ACAA2: variants seen among roughly 807,000 people sequenced by gnomAD.
ACAA2 encodes the protein acetyl-CoA acyltransferase 2.
Under a neutral mutation model 44.8 loss-of-function variants are expected in ACAA2, and 35 were observed. That is an observed-to-expected ratio of 0.78 (90% CI 0.60 to 1.04). ACAA2 has a LOEUF of 1.04. Ranked by LOEUF, ACAA2 falls within the 50% of genes least tolerant of loss-of-function variation. ACAA2 has a pLI of 0.00. For missense variants in ACAA2, 468 were observed against 482.6 expected (o/e 0.97, Z 0.28); for synonymous variants, 142 against 166.5 (o/e 0.85, Z 1.13).
At chr18:49,797,421 A>C (rs770753652) in intron 3 of ACAA2, 45 bp downstream of exon 3, 2 of 1,556,686 alleles carry the variant, frequency 1.3e-6, no homozygotes, top group East Asian at 2.3e-5. Context: ...TCTTCTAGTA[A>C]CTATTAACAT....
chr18:49,809,253 C>T (rs1486622591), intron 1 of ACAA2, among the ~76,000 whole-genome samples: 1 of 152,198 alleles, frequency 6.6e-6, no homozygotes, highest in African/African-American at 2.4e-5. Flanking sequence ...ATTGCTCAAA[C>T]ACACGTTTTA....
rs190708269 is a variant in ACAA2 at position 49,782,178 on chromosome 18, T to C, written c.*1669A>G. ...AAAAAACAAAATGTTCTGCAAAACATTGTTTTATTATGAGAAATTATACAG... is the reference window on the plus strand; with the variant it reads ...AAAAAACAAAATGTTCTGCAAAACACTGTTTTATTATGAGAAATTATACAG... On this transcript the variant is annotated 3_prime_UTR_variant, in exon 10 of 10. Coordinates refer to ENST00000285093, the MANE Select transcript of ACAA2 (RefSeq NM_006111.3). 2 of 152,152 alleles carry C rather than the reference T, an allele frequency of 1.3e-5. No homozygotes were observed. Among genetic ancestry groups the C allele is most frequent in the Admixed American group, 1.3e-4 (2 of 15,294 alleles). The allele number at this position is 152,152 out of a possible 1,614,324, so 9.4% of individuals were successfully genotyped here. A position where few individuals can be genotyped will look rare whatever the true frequency, so the allele number is the denominator to read the frequency against.
chr18:49,801,999 A>G (rs937481839), intron 2 of ACAA2, among the ~76,000 whole-genome samples: 1 of 152,096 alleles, frequency 6.6e-6, no homozygotes, highest in African/African-American at 2.4e-5. Context: ...AGGGTAAGGA[A>G]GCATCTTATT....
chr18:49,794,132 G>T, intron 5 of ACAA2, 148 bp downstream of exon 5: 1 of 667,962 alleles, frequency 1.5e-6, no homozygotes. Flanking sequence ...TAAAATATCT[G>T]ATCATCTAAA....
Position 49,798,964 on chromosome 18 carries a change from C to T in ACAA2, c.184-1370G>A, listed in dbSNP as rs1200693285. On this transcript the variant is annotated intron_variant, in intron 2 of 9. Transcript: ENST00000285093. ...AGAGAACAGAATATGCTTCGAATAA[C>T]ATTTGACAAATACCACAAAGCTGCT... 2.0e-5 allele frequency among the ~76,000 whole-genome samples: 3 copies of T among 152,046 alleles called. No homozygotes were observed. In the East Asian group the frequency reaches 5.8e-4, roughly 29 times the overall value.
chr18:49,793,746 C>T (rs1352411323), intron 5 of ACAA2, among the ~76,000 whole-genome samples: 2 of 152,188 alleles, frequency 1.3e-5, no homozygotes, highest in African/African-American at 4.8e-5. Context: ...GGCTCTATAG[C>T]AACCTGCTGT....
chr18:49,790,318 GAT>G (rs2023383358), intron 7 of ACAA2, among the ~76,000 whole-genome samples: 1 of 152,172 alleles, frequency 6.6e-6, no homozygotes, highest in Non-Finnish European at 1.5e-5. Context: ...TCTATACAGA[GAT>G]ATGTCTTCTC....
chr18:49,785,534 T>C (rs1298071617), intron 8 of ACAA2, 183 bp from the exon 9 acceptor site: 2 of 609,006 alleles, frequency 3.3e-6, no homozygotes, highest in Admixed American at 3.3e-5. Context: ...GTATATTTAC[T>C]AAATAATACT....
At chr18:49,793,600 C>T (rs187246103) in intron 5 of ACAA2, among the ~76,000 whole-genome samples, 68 of 152,328 alleles carry the variant, frequency 4.5e-4, no homozygotes, top group Non-Finnish European at 7.8e-4. Context: ...TGGACTTTAT[C>T]CTCATTACTT....
chr18:49,789,759 G>A (rs764862959), intron 7 of ACAA2, among the ~76,000 whole-genome samples: 3 of 151,460 alleles, frequency 2.0e-5, no homozygotes, highest in Admixed American at 6.6e-5. Context: ...TGAGGTGGGC[G>A]GATCACCTGA....
At chr18:49,786,136 T>G (rs912853762) in intron 8 of ACAA2, 2 of 151,758 alleles carry the variant, frequency 1.3e-5, no homozygotes, top group African/African-American at 4.8e-5. Flanking sequence ...TTCAGTCTTG[T>G]GCTCTTTCCT....
chr18:49,794,197 T>A, intron 5 of ACAA2, 83 bp downstream of exon 5: 3 of 937,524 alleles, frequency 3.2e-6, no homozygotes, highest in Non-Finnish European at 2.9e-6. Context: ...TTTGTAAATA[T>A]TATATAACCA....
chr18:49,793,926 T>C (rs1409067138), intron 5 of ACAA2, among the ~76,000 whole-genome samples: 2 of 152,132 alleles, frequency 1.3e-5, no homozygotes, highest in African/African-American at 4.8e-5. Flanking sequence ...GGAGAGGACA[T>C]CCTCTATATT....
At position 49,792,207 on chromosome 18, in the gene ACAA2, T is replaced by C. The variant is rs1424144133; in HGVS notation, c.698A>G (p.Gln233Arg). The change falls in exon 6 of 10, where the codon CAG becomes CGG. Residue 233 changes from glutamine to arginine, a missense_variant. Physicochemically the swap from Gln to Arg is conservative, Grantham distance 43 (BLOSUM62 1). Coordinates refer to ENST00000285093, the MANE Select transcript of ACAA2 (RefSeq NM_006111.3). ...TTTCTTGAATACTGGAGGAAGTTTC[T>C]GTAACTGTTCCAGGGTGGTTTGGGG... Reference protein sequence around the residue: ...ARPQTTLEQLQKLPPVFKKDG... With the variant: ...ARPQTTLEQLRKLPPVFKKDG... The C allele has an allele frequency of 1.2e-6, 2 of 1,613,996 alleles. No homozygotes were observed. Among genetic ancestry groups the C allele is most frequent in the Non-Finnish European group, 8.5e-7 (1 of 1,179,988 alleles).
chr18:49,799,882 AGG>A (rs1310272550), intron 2 of ACAA2, among the ~76,000 whole-genome samples: 13 of 116,196 alleles, frequency 1.1e-4, no homozygotes, highest in South Asian at 3.0e-4. Context: ...CCCATCTGGG[AGG>A]TGAGGAGCGT....
chr18:49,810,081 G>A (rs749171612), intron 1 of ACAA2, among the ~76,000 whole-genome samples: 17 of 152,010 alleles, frequency 1.1e-4, no homozygotes, highest in South Asian at 6.2e-4. Flanking sequence ...AAAAAAACAC[G>A]GGCAGAACCT....
chr18:49,797,267 T>A (rs1719121643), intron 3 of ACAA2, among the ~76,000 whole-genome samples, 199 bp downstream of exon 3: 1 of 150,058 alleles, frequency 6.7e-6, no homozygotes, highest in Non-Finnish European at 1.5e-5. Context: ...ATTATTAGCT[T>A]TTTTTTTTTT....
Position 49,791,563 on chromosome 18 carries a change from TAGCTATG to T in ACAA2, c.783_789del (p.Ile262ValfsTer41). ...TTATGTTTCTTAACAGCATCTTCAC[TAGCTATG>T]ATAACAGCTCCAGCACCATCAGCTA... On this transcript the variant is annotated frameshift_variant, in exon 7 of 10. Transcript: ENST00000285093. LOFTEE classifies it high-confidence loss of function. The T allele has an allele frequency of 3.1e-6, 5 of 1,613,418 alleles. No homozygotes were observed. The highest frequency in any genetic ancestry group is 4.2e-6 in the Non-Finnish European group (5 of 1,179,842).
intron 1 of ACAA2, among the ~76,000 whole-genome samples, chr18:49,811,957 T>C (rs768713105): frequency 2.6e-5 from 4 of 152,222 alleles, no homozygotes; most frequent in Non-Finnish European, 4.4e-5. Context: ...AACAGGTCTG[T>C]ATTATAAGAA....
Sources: allele counts gnomAD v4.1 joint callset (sites outside exome capture counted in the v4.1 genomes callset), GRCh38; gene constraint gnomAD v4.1.1; transcripts MANE v1.5; gene names NCBI Gene and HGNC (gene_info 2026-07-23, HGNC 2026-07-21).